CEP120: variants seen among roughly 807,000 people sequenced by gnomAD.
CEP120 encodes the protein centrosomal protein of 120 kDa.
A neutral mutation model predicts 126.5 loss-of-function variants in CEP120; 113 were observed. That is an observed-to-expected ratio of 0.89 (90% CI 0.77 to 1.04). CEP120 has a LOEUF of 1.04. Among genes scored for constraint, CEP120 ranks in the 50% least tolerant of loss-of-function variants. The pLI is 0.00. For synonymous variants in CEP120, 400 were observed against 394.3 expected (o/e 1.01, Z -0.17); for missense variants, 1,230 against 1,155.7 (o/e 1.06, Z -0.93).
At chr5:123,390,972 G>A (rs1772354388) in intron 7 of CEP120, 138 bp downstream of exon 7, 3 of 641,706 alleles carry the variant, frequency 4.7e-6, no homozygotes, top group Admixed American at 6.0e-5. Flanking sequence ...TCAGAAAGGA[G>A]GTATCATATA....
intron 16 of CEP120, among the ~76,000 whole-genome samples, chr5:123,373,170 C>T (rs1394233440): frequency 2.0e-5 from 3 of 152,022 alleles, no homozygotes; most frequent in Non-Finnish European, 4.4e-5. Flanking sequence ...ACTAAGGCAA[C>T]TCTGTCTCTC....
intron 5 of CEP120, among the ~76,000 whole-genome samples, chr5:123,398,016 TG>T (rs1396518341): frequency 1.6e-4 from 24 of 152,014 alleles, no homozygotes; most frequent in Non-Finnish European, 2.9e-5. Flanking sequence ...TCTTGGAGCT[TG>T]AGGCTACAGT....
chr5:123,367,477 A>C (rs1031351418), intron 17 of CEP120, among the ~76,000 whole-genome samples: 1 of 151,872 alleles, frequency 6.6e-6, no homozygotes, highest in Non-Finnish European at 1.5e-5. Flanking sequence ...TCCAAAATCC[A>C]ATACCTTTTC....
At chr5:123,384,845 G>A (rs1771909914) in intron 11 of CEP120, 106 bp downstream of exon 11, 1 of 931,334 alleles carries the variant, frequency 1.1e-6, no homozygotes, top group Non-Finnish European at 1.6e-6. Context: ...GTGAAGTGGT[G>A]GATCAGAAAA....
intron 3 of CEP120, among the ~76,000 whole-genome samples, chr5:123,412,872 A>C (rs1774151790): frequency 6.6e-6 from 1 of 152,198 alleles, no homozygotes; most frequent in Non-Finnish European, 1.5e-5. Flanking sequence ...AAACAACAAA[A>C]AAACTACCAG....
intron 4 of CEP120, among the ~76,000 whole-genome samples, chr5:123,409,153 T>A (rs960448065): frequency 1.3e-5 from 2 of 152,004 alleles, no homozygotes; most frequent in African/African-American, 4.8e-5. Flanking sequence ...ATCCATCACA[T>A]CAACAGCCTA....
chr5:123,383,154 G>C (rs758416716), intron 11 of CEP120, 72 bp from the exon 12 acceptor site: 221 of 918,072 alleles, frequency 2.4e-4, no homozygotes, highest in Non-Finnish European at 3.3e-4. Context: ...TATTTCCCCA[G>C]TGCTTTAGCA....
intron 4 of CEP120, among the ~76,000 whole-genome samples, chr5:123,400,199 G>A (rs977364520): frequency 1.3e-5 from 2 of 152,302 alleles, no homozygotes; most frequent in African/African-American, 4.8e-5. Flanking sequence ...TAAGAGCACA[G>A]ATATCTAAGT....
At chr5:123,386,775 TACAACTTTTTAATAG>T in intron 9 of CEP120, 108 bp from the exon 10 acceptor site, 1 of 826,050 alleles carries the variant, frequency 1.2e-6, no homozygotes, top group Non-Finnish European at 1.7e-6. Flanking sequence ...TATGAGCAAA[TACAACTTTTTAATAG>T]AAACATGGTA....
chr5:123,421,352 TTTTGAG>T (rs1306422095), intron 1 of CEP120, among the ~76,000 whole-genome samples: 1 of 152,192 alleles, frequency 6.6e-6, no homozygotes, highest in African/African-American at 2.4e-5. Flanking sequence ...ACTGCTAACC[TTTTGAG>T]TTTAAGCCTG....
intron 16 of CEP120, among the ~76,000 whole-genome samples, 172 bp from the exon 17 acceptor site, chr5:123,372,944 C>T (rs1259344638): frequency 6.6e-6 from 1 of 151,962 alleles, no homozygotes; most frequent in African/African-American, 2.4e-5. Flanking sequence ...ATTAAAAATT[C>T]AGTAAATCAA....
intron 5 of CEP120, among the ~76,000 whole-genome samples, chr5:123,396,644 T>G (rs768836942): frequency 2.6e-5 from 4 of 152,186 alleles, no homozygotes; most frequent in Non-Finnish European, 5.9e-5. Flanking sequence ...ATGGTAACTA[T>G]CACGACTACA....
Position 123,346,573 on chromosome 5 carries a change from A to C in CEP120, c.2907T>G (p.Ser969Arg). 2 of 1,613,804 alleles carry C rather than the reference A, an allele frequency of 1.2e-6. No homozygotes were observed. Among genetic ancestry groups the C allele is most frequent in the South Asian group, 1.1e-5 (1 of 91,010 alleles). The change falls in exon 20 of 20, where the codon AGT becomes AGG. Residue 969 changes from serine (S) to arginine (R), a missense_variant. Ser to Arg is a moderately radical substitution (Grantham distance 110, BLOSUM62 -1). Transcript: ENST00000306467. Reference protein sequence around the residue: ...GVYNHEDRIISELDRQIREIL... With the variant: ...GVYNHEDRIIRELDRQIREIL... ...TCTCTCTGATCTGTCGGTCGAGTTC[A>C]CTTATTATTCGATCCTCGTGATTAT...
At chr5:123,402,252 GC>G in intron 4 of CEP120, 1 of 1,493,758 alleles carries the variant, frequency 6.7e-7, no homozygotes, top group Non-Finnish European at 9.2e-7. Context: ...GCTGATGTGG[GC>G]ACCGGGCCCA....
Position 123,399,751 on chromosome 5 carries a change from G to A in CEP120, c.464-467C>T, listed in dbSNP as rs562679130. Among the ~76,000 whole-genome samples, 5 of 152,280 alleles carry A rather than the reference G, an allele frequency of 3.3e-5. 1 individual carries two copies. The South Asian group carries it at 6.2e-4, about 19-fold the overall frequency. The stretch of plus-strand genomic sequence containing the variant: ...GGTGCCAGATCACAGAGTGAGAACC[G>A]ACATACAGAGGGAGGTGGGGCTGGA... On this transcript the variant is annotated intron_variant, in intron 4 of 19. Coordinates refer to ENST00000306467, the MANE Select transcript of CEP120 (RefSeq NM_001375405.1).
chr5:123,364,503 A>T lies in CEP120; in HGVS notation c.2573T>A (p.Leu858His), dbSNP rs1391862692. The T allele has an allele frequency of 2.6e-5, 41 of 1,602,560 alleles. No homozygotes were observed. The highest frequency in any genetic ancestry group is 3.3e-5 in the Non-Finnish European group (39 of 1,172,558). Residue 858 changes from leucine (L) to histidine (H), a missense_variant, in exon 18 of 20, where the codon CTT becomes CAT. Coordinates refer to ENST00000306467, the MANE Select transcript of CEP120 (RefSeq NM_001375405.1). ...AAGCTATAAACTACATACCTGTTTA[A>T]GTCTGGCAAGTTCTTTCAAAGCTCG... ...WGRALKELAR[L>H]KQREQESQMA... is the part of the protein sequence containing the mutation.
intron 2 of CEP120, among the ~76,000 whole-genome samples, chr5:123,417,253 G>GACTACTCA (rs1774445176): frequency 6.6e-6 from 1 of 152,056 alleles, no homozygotes; most frequent in Non-Finnish European, 1.5e-5. Flanking sequence ...TAAATCCATG[G>GACTACTCA]ACTACTCTAG....
At chr5:123,369,344 GAT>G (rs1770690354) in intron 17 of CEP120, among the ~76,000 whole-genome samples, 2 of 151,948 alleles carry the variant, frequency 1.3e-5, no homozygotes, top group Admixed American at 1.3e-4. Flanking sequence ...CCATTTAAAA[GAT>G]ATGGAAATAA....
chr5:123,392,536 A>G (rs1026258044), intron 6 of CEP120, among the ~76,000 whole-genome samples: 1 of 152,126 alleles, frequency 6.6e-6, no homozygotes, highest in African/African-American at 2.4e-5. Context: ...TTTGAGACAG[A>G]GTCTTGCTCT....
Sources: gnomAD v4.1 joint callset for allele counts (sites outside exome capture counted in the v4.1 genomes callset) on GRCh38, gnomAD v4.1.1 for gene constraint, MANE v1.5 for transcripts, NCBI Gene and HGNC (gene_info 2026-07-23, HGNC 2026-07-21) for gene names.